Variants in MARCO observed in about 807,000 individuals in gnomAD.
MARCO encodes macrophage receptor MARCO.
A neutral mutation model predicts 70.0 loss-of-function variants in MARCO; 72 were observed. The observed-to-expected ratio is 1.03, with a 90% CI of 0.85 to 1.25. MARCO has a LOEUF of 1.25. Among genes scored for constraint, MARCO ranks in the 50% most tolerant of loss-of-function variants. The pLI is 0.00. For missense variants in MARCO, 696 were observed against 659.3 expected (o/e 1.06, Z -0.61); for synonymous variants, 273 against 243.1 (o/e 1.12, Z -1.14).
In MARCO at chr2:118,982,392, G is replaced by A. The variant is rs137938144; in HGVS notation, c.1045G>A (p.Gly349Arg). ...PGSPGATGLK[G>R]SKGDTGLQGQ... ...GAGTCCAGGAGCCACAGGCCTGAAA[G>A]GAAGCAAAGGGGACACAGGTAACAG... The change falls in exon 12 of 17, where the codon GGA becomes AGA. Residue 349 changes from glycine to arginine, a missense_variant. By Grantham distance (125) the Gly-to-Arg change is moderately radical. Around this residue, in one of 3 missense-constraint regions of MARCO, gnomAD observed 605 missense variants for 537.6 expected, o/e 1.13. Transcript: ENST00000327097. The A allele has an allele frequency of 5.6e-6, 9 of 1,613,946 alleles. No individual in the cohort carries two copies. The highest frequency in any genetic ancestry group is 1.1e-5 in the South Asian group (1 of 91,086).
chr2:118,992,317 C>A, intron 14 of MARCO, 115 bp from the exon 15 acceptor site: 1 of 783,854 alleles, frequency 1.3e-6, no homozygotes, highest in Non-Finnish European at 2.2e-6. Flanking sequence ...CAGGCGAGAC[C>A]CACGGAGCAT....
rs866021876 is a variant in MARCO at position 118,986,725 on chromosome 2, A to C, written c.1064-3864A>C. Among the ~76,000 whole-genome samples, 3 of 124,322 alleles carry C rather than the reference A, an allele frequency of 2.4e-5. 1 individual carries two copies. The East Asian group carries it at 7.7e-4, about 32-fold the overall frequency. The allele number at this position is 124,322 out of a possible 152,430, so 81.6% of individuals were successfully genotyped here. ...AGAAAGAAAGAAAGAAAGAAAGAAA[A>C]GAAAGAAAGAAAGAGAAAGAAAGAG... is the stretch of plus-strand genomic sequence containing the variant. On this transcript the variant is annotated intron_variant, in intron 12 of 16. Transcript: ENST00000327097.
intron 13 of MARCO, 26 bp from the exon 14 acceptor site, chr2:118,991,751 G>C: frequency 6.2e-6 from 9 of 1,452,692 alleles, no homozygotes; most frequent in Non-Finnish European, 8.5e-6. Context: ...CAGGGCACCT[G>C]ATCAGGGCAG....
intron 12 of MARCO, among the ~76,000 whole-genome samples, chr2:118,984,750 A>G (rs1266224404): frequency 2.6e-5 from 4 of 152,316 alleles, no homozygotes; most frequent in Admixed American, 6.5e-5. Context: ...AGGGGCAGGC[A>G]GAGGGTGGGA....
intron 12 of MARCO, among the ~76,000 whole-genome samples, chr2:118,990,006 A>G (rs1432783409): frequency 6.6e-6 from 1 of 152,120 alleles, no homozygotes; most frequent in African/African-American, 2.4e-5. Flanking sequence ...AGAAAGGGGG[A>G]CCTTTAACAT....
In MARCO at chr2:118,981,663, A is replaced by G; in HGVS notation, c.901+7A>G. The stretch of plus-strand genomic sequence containing the variant: ...GGAGCTAAAGGAGATCAAGGTAAGA[A>G]CTACAGGAATCTGGGCATCATCCCA... On this transcript the variant is annotated splice_region_variant and intron_variant, in intron 10 of 16. Coordinates refer to ENST00000327097, the MANE Select transcript of MARCO (RefSeq NM_006770.4). The G allele has an allele frequency of 1.2e-6, 2 of 1,613,648 alleles. No individual in the cohort carries two copies. Among genetic ancestry groups the G allele is most frequent in the African/African-American group, 1.3e-5 (1 of 75,016 alleles).
At chr2:118,981,256 G>A (rs1680382281) in intron 8 of MARCO, among the ~76,000 whole-genome samples, 153 bp from the exon 9 acceptor site, 1 of 152,126 alleles carries the variant, frequency 6.6e-6, no homozygotes, top group African/African-American at 2.4e-5. Flanking sequence ...CACTCCTTGA[G>A]GGCAGCGGTC....
intron 14 of MARCO, 26 bp downstream of exon 14, chr2:118,991,901 T>G (rs2304708): frequency 0.87 from 1,312,362 of 1,504,928 alleles, 573,258 homozygotes; most frequent in East Asian, 0.94. Context: ...CTGATTCCTT[T>G]GTTCTTAGGA....
At chr2:118,993,832 C>T (rs1307619214) in intron 16 of MARCO, among the ~76,000 whole-genome samples, 6 of 152,200 alleles carry the variant, frequency 3.9e-5, no homozygotes, top group Non-Finnish European at 5.9e-5. Flanking sequence ...GAGACTCAGC[C>T]TATATCTTTC....
chr2:118,947,874 A>G (rs1679632824), intron 1 of MARCO, among the ~76,000 whole-genome samples: 1 of 152,208 alleles, frequency 6.6e-6, no homozygotes. Context: ...TTACAAAAAG[A>G]TCTTGCTGAA....
At chr2:118,959,600 A>G (rs930989428) in intron 1 of MARCO, among the ~76,000 whole-genome samples, 1 of 152,230 alleles carries the variant, frequency 6.6e-6, no homozygotes, top group Non-Finnish European at 1.5e-5. Flanking sequence ...AAGTAAAAGT[A>G]GAAATACCAT....
At chr2:118,961,566 G>GT (rs951988484) in intron 1 of MARCO, among the ~76,000 whole-genome samples, 17 of 150,750 alleles carry the variant, frequency 1.1e-4, no homozygotes, top group South Asian at 2.1e-4. Context: ...TAATGAGGTT[G>GT]TTTTTTTTTC....
intron 8 of MARCO, among the ~76,000 whole-genome samples, chr2:118,979,070 A>G (rs557395727): frequency 6.6e-6 from 1 of 152,188 alleles, no homozygotes; most frequent in Non-Finnish European, 1.5e-5. Context: ...TATAAGACAT[A>G]TGAGATGTGT....
chr2:118,984,347 C>T (rs893934659), intron 12 of MARCO, among the ~76,000 whole-genome samples: 3 of 152,180 alleles, frequency 2.0e-5, no homozygotes, highest in African/African-American at 7.2e-5. Flanking sequence ...TGGCCCATAG[C>T]TTGGGGATCA....
intron 12 of MARCO, among the ~76,000 whole-genome samples, chr2:118,982,935 C>T (rs938200212): frequency 6.6e-5 from 10 of 152,298 alleles, no homozygotes; most frequent in Admixed American, 4.6e-4. Flanking sequence ...TAGTCTAGGT[C>T]GTAAACCATT....
intron 12 of MARCO, among the ~76,000 whole-genome samples, chr2:118,987,181 CT>C (rs1235791875): frequency 5.3e-5 from 8 of 152,212 alleles, no homozygotes; most frequent in Non-Finnish European, 1.0e-4. Flanking sequence ...ACCCTTTCAG[CT>C]TGATAAGCTT....
intron 12 of MARCO, among the ~76,000 whole-genome samples, chr2:118,985,048 T>C (rs1346597195): frequency 6.6e-6 from 1 of 152,154 alleles, no homozygotes. Context: ...CTGTTCATTA[T>C]TATCAGTGCC....
At chr2:118,980,711 C>G (rs539416568) in intron 8 of MARCO, among the ~76,000 whole-genome samples, 8 of 152,226 alleles carry the variant, frequency 5.3e-5, no homozygotes, top group African/African-American at 1.9e-4. Flanking sequence ...ATGGTGGGAC[C>G]TTGGCAGCCT....
At chr2:118,986,672 GGAAA>G (rs70949954) in intron 12 of MARCO, among the ~76,000 whole-genome samples, 784 of 48,500 alleles carry the variant, frequency 0.016, 59 homozygotes, top group African/African-American at 0.02. Context: ...AAGGAAGGAA[GGAAA>G]GAAAGAAAGA....
Sources: gnomAD v4.1 joint callset for allele counts (sites outside exome capture counted in the v4.1 genomes callset) on GRCh38, gnomAD v4.1.1 for gene constraint, gnomAD v4.1.1 regional missense constraint, MANE v1.5 for transcripts, NCBI Gene and HGNC (gene_info 2026-07-23, HGNC 2026-07-21) for gene names.